The following POC1B variants were observed in gnomAD, a reference collection of about 807,000 sequenced individuals.
POC1B encodes the protein POC1 centriolar protein homolog B.
POC1B carries 44 observed loss-of-function variants against 60.6 expected under a neutral mutation model. The ratio of observed to expected loss-of-function variants is 0.73; its 90% confidence interval spans 0.57 to 0.93. The LOEUF is 0.93. POC1B is among the 40% of genes least tolerant of loss of function. The pLI is 0.00. For missense variants in POC1B, 555 were observed against 572.3 expected (o/e 0.97, Z 0.31); for synonymous variants, 180 against 198.9 (o/e 0.90, Z 0.80).
At chr12:89,507,280 A>AC (rs1869950031) in intron 2 of POC1B, among the ~76,000 whole-genome samples, 1 of 150,544 alleles carries the variant, frequency 6.6e-6, no homozygotes, top group Non-Finnish European at 1.5e-5. Flanking sequence ...AAAAAAAAAA[A>AC]AAAAAAAAAA....
Position 89,466,813 on chromosome 12 carries a change from G to C in POC1B, c.989C>G (p.Pro330Arg). The C allele has an allele frequency of 6.2e-7, 1 of 1,613,016 alleles. No homozygotes were observed. The highest frequency in any genetic ancestry group is 8.5e-7 in the Non-Finnish European group (1 of 1,179,314). The change falls in exon 9 of 12, where the codon CCA (proline) becomes CGA (arginine). Residue 330 changes from proline (P) to arginine (R), a missense_variant. Transcript: ENST00000313546. Reference protein sequence around the residue: ...DSPPHLLDIYPRTPHPHEEKV... With the variant: ...DSPPHLLDIYRRTPHPHEEKV... ...TTCCTCATGGGGATGTGGTGTTCTT[G>C]GGTAGATATCAAGAAGATGTGGTGG...
intron 10 of POC1B, among the ~76,000 whole-genome samples, chr12:89,439,459 C>T (rs1881420880): frequency 6.6e-6 from 1 of 152,182 alleles, no homozygotes; most frequent in African/African-American, 2.4e-5. Context: ...CACAAATCAC[C>T]TGGGGATCTT....
intron 1 of POC1B, 90 bp from the exon 2 acceptor site, chr12:89,525,294 G>T: frequency 6.7e-7 from 1 of 1,493,350 alleles, no homozygotes; most frequent in Non-Finnish European, 8.9e-7. Flanking sequence ...CCGGAGTCCG[G>T]CTTGGGAATG....
chr12:89,524,099 A>G, intron 2 of POC1B: 3 of 1,614,046 alleles, frequency 1.9e-6, no homozygotes, highest in Non-Finnish European at 2.5e-6. Flanking sequence ...GTACGGAGCA[A>G]AGTCGACCAG....
Position 89,525,209 on chromosome 12 carries a change from A to C in POC1B, c.16-5T>G. The C allele has an allele frequency of 6.2e-7, 1 of 1,605,858 alleles. No individual in the cohort carries two copies. The highest frequency in any genetic ancestry group is 2.3e-5 in the East Asian group (1 of 43,834). ...ACGCTCCAGAACGGGGTCCTCCTGG[A>C]AAGGAAAGTTGTCAAGTTTTGAAAG... is the stretch of plus-strand genomic sequence containing the variant. On this transcript the variant is annotated splice_region_variant and splice_polypyrimidine_tract_variant and intron_variant, in intron 1 of 11. Transcript: ENST00000313546.
rs578068235 is a variant in POC1B, at chr12:89,505,884, GAA to G, written c.101-8544_101-8543del. 1.6e-3 allele frequency among the ~76,000 whole-genome samples: 245 copies of G among 152,268 alleles called. 1 individual carries two copies. Among genetic ancestry groups the G allele is most frequent in the African/African-American group, 5.6e-3 (231 of 41,538 alleles). On this transcript the variant is annotated intron_variant, in intron 2 of 11. Coordinates refer to ENST00000313546, the MANE Select transcript of POC1B (RefSeq NM_172240.3). ...ACTAGACTGCGAGCCTTGGAAGGAG[GAA>G]AAAGAGTCAAAATCAAGATATACTG...
At chr12:89,458,566 T>A (rs1187836248) in intron 10 of POC1B, among the ~76,000 whole-genome samples, 3 of 152,170 alleles carry the variant, frequency 2.0e-5, no homozygotes, top group Non-Finnish European at 2.9e-5. Context: ...TGCTATGGGA[T>A]TAACACTGAA....
At chr12:89,502,123 G>A (rs1413036780) in intron 2 of POC1B, 6 of 1,181,422 alleles carry the variant, frequency 5.1e-6, no homozygotes, top group African/African-American at 3.0e-5. Flanking sequence ...CTTGGATTCT[G>A]GAGAGCATAA....
intron 6 of POC1B, 129 bp downstream of exon 6, chr12:89,471,485 T>A (rs1592609332): frequency 3.1e-6 from 2 of 643,428 alleles, no homozygotes; most frequent in African/African-American, 1.9e-5. Context: ...CTAATTATAC[T>A]ATTCTCTAGC....
intron 2 of POC1B, chr12:89,523,013 CATA>C (rs1871026353): frequency 6.2e-7 from 1 of 1,613,734 alleles, no homozygotes. Context: ...TGCATTCCCA[CATA>C]ATTTTTTTGC....
At chr12:89,475,623 G>C (rs1036790427) in intron 4 of POC1B, among the ~76,000 whole-genome samples, 1 of 152,002 alleles carries the variant, frequency 6.6e-6, no homozygotes, top group East Asian at 1.9e-4. Context: ...GTCCTTTATC[G>C]TCAGGGCTCA....
intron 2 of POC1B, among the ~76,000 whole-genome samples, chr12:89,513,074 C>T (rs1870262915): frequency 1.3e-5 from 2 of 152,110 alleles, no homozygotes; most frequent in African/African-American, 4.8e-5. Flanking sequence ...AAGTTTCTCA[C>T]TGAATTCTGA....
chr12:89,517,580 C>T (rs1350309686), intron 2 of POC1B, among the ~76,000 whole-genome samples: 1 of 151,986 alleles, frequency 6.6e-6, no homozygotes, highest in Non-Finnish European at 1.5e-5. Flanking sequence ...TTGCAGTGAG[C>T]CAAGATCACA....
At chr12:89,408,784 GC>G in the POC1B span, among the ~76,000 whole-genome samples, 1 of 152,058 alleles carries the variant, frequency 6.6e-6, no homozygotes, top group Non-Finnish European at 1.5e-5. Flanking sequence ...ACCGCGCCTG[GC>G]CTGTTTCCTG....
intron 2 of POC1B, among the ~76,000 whole-genome samples, chr12:89,512,734 T>G (rs1367193502): frequency 6.6e-6 from 1 of 152,220 alleles, no homozygotes; most frequent in South Asian, 2.1e-4. Context: ...TACTCCAGAC[T>G]AGGCGCCTTT....
intron 4 of POC1B, among the ~76,000 whole-genome samples, chr12:89,483,677 A>C (rs1240198917): frequency 3.3e-5 from 5 of 152,244 alleles, no homozygotes. Context: ...AAATGACATC[A>C]TTAAAGCACT....
At chr12:89,501,787 A>G in intron 2 of POC1B, 2 of 1,041,052 alleles carry the variant, frequency 1.9e-6, no homozygotes, top group South Asian at 2.5e-5. Context: ...AAAATCTGCT[A>G]AGAAAACAAA....
At chr12:89,414,276 A>T in the POC1B span, among the ~76,000 whole-genome samples, 1 of 152,254 alleles carries the variant, frequency 6.6e-6, no homozygotes, top group African/African-American at 2.4e-5. Flanking sequence ...TTTGTTGTAA[A>T]TCTATTTTAT....
chr12:89,435,389 C>T (rs1206056215), intron 10 of POC1B, among the ~76,000 whole-genome samples: 3 of 152,104 alleles, frequency 2.0e-5, no homozygotes, highest in Non-Finnish European at 2.9e-5. Flanking sequence ...CCATATTGGT[C>T]AGGCTAGTCT....
Sources: allele counts gnomAD v4.1 joint callset (sites outside exome capture counted in the v4.1 genomes callset), GRCh38; gene constraint gnomAD v4.1.1; transcripts MANE v1.5; gene names NCBI Gene and HGNC (gene_info 2026-07-23, HGNC 2026-07-21).